Variants in SLA2 observed in about 807,000 individuals in gnomAD.
SLA2 encodes src-like-adapter 2.
A neutral mutation model predicts 27.3 loss-of-function variants in SLA2; 22 were observed. The ratio of observed to expected loss-of-function variants is 0.81; its 90% CI spans 0.58 to 1.15. SLA2 has a LOEUF of 1.15. SLA2 is among the 50% of genes most tolerant of loss of function. The probability of loss-of-function intolerance (pLI) is 0.00; values close to 1 mark genes in which losing one functional copy is unlikely to be tolerated. For missense variants in SLA2, 304 were observed against 322.2 expected, an observed-to-expected ratio of 0.94 and a Z score of 0.43; for synonymous variants, 131 against 137.8, an observed-to-expected ratio of 0.95 and a Z score of 0.34.
chr20:36,626,051 G>A (rs995139873), intron 5 of SLA2, among the ~76,000 whole-genome samples: 1 of 151,884 alleles, frequency 6.6e-6, no homozygotes, highest in Non-Finnish European at 1.5e-5. Context: ...GATCACTTGA[G>A]GTCAGGAGTT....
Position 36,613,921 on chromosome 20 carries a change from G to GA in SLA2, c.730dup (p.Ser244PhefsTer10). 6.2e-7 allele frequency: 1 copy of GA among 1,614,076 alleles called. No homozygotes were observed. The highest frequency in any genetic ancestry group is 8.5e-7 in the Non-Finnish European group (1 of 1,179,994). On this transcript the variant is annotated frameshift_variant, in exon 8 of 8. Coordinates refer to ENST00000262866, the MANE Select transcript of SLA2 (RefSeq NM_032214.4). LOFTEE classifies it high-confidence loss of function. ...ATTCAGGCTGATGTAGAAGCTGAGG[G>GA]ACTCCCGGAGACCCTCACTGAGAAG...
chr20:36,642,670 C>T (rs2039518410), intron 1 of SLA2, among the ~76,000 whole-genome samples: 1 of 151,964 alleles, frequency 6.6e-6, no homozygotes, highest in African/African-American at 2.4e-5. Flanking sequence ...ACTGCAACTT[C>T]CGCCTCCTGG....
intron 5 of SLA2, among the ~76,000 whole-genome samples, chr20:36,627,683 T>A (rs1218189993): frequency 6.6e-6 from 1 of 152,158 alleles, no homozygotes; most frequent in East Asian, 1.9e-4. Flanking sequence ...CTCTGCACAA[T>A]CCTGTGACCT....
Position 36,614,004 on chromosome 20 carries a change from T to C in SLA2, c.666-18A>G, listed in dbSNP as rs1278478141. ...GGAGGGAGCTGTGGACAAAGGAAGA[T>C]AATTGGGTCAAGAAGCCTCTTCCTC... On this transcript the variant is annotated intron_variant, in intron 7 of 7. Transcript: ENST00000262866. The C allele has an allele frequency of 2.5e-6, 4 of 1,612,472 alleles. No individual in the cohort carries two copies. The Admixed American group carries it at 6.7e-5, about 27-fold the overall frequency.
chr20:36,624,485 T>G (rs763215311), intron 5 of SLA2, among the ~76,000 whole-genome samples: 16 of 152,230 alleles, frequency 1.1e-4, no homozygotes, highest in Non-Finnish European at 2.1e-4. Flanking sequence ...CTGTCCACCT[T>G]GCCAACTAGA....
rs988420492 is a variant in SLA2 at position 36,633,289 on chromosome 20, C to A, written c.278+254G>T. ...GTGGACTTTTCAGCATTTTCCACCA[C>A]GAGATCCTGGCAACCTCCAAAGCCC... On this transcript the variant is annotated intron_variant, in intron 4 of 7. Coordinates refer to ENST00000262866, the MANE Select transcript of SLA2 (RefSeq NM_032214.4). Among the ~76,000 whole-genome samples the A allele has an allele frequency of 3.3e-5, 5 of 152,158 alleles. 1 individual carries two copies. In the South Asian group the frequency reaches 1.0e-3, roughly 32 times the overall value.
At chr20:36,641,981 T>C (rs972925254) in intron 1 of SLA2, among the ~76,000 whole-genome samples, 19 of 149,786 alleles carry the variant, frequency 1.3e-4, no homozygotes, top group Non-Finnish European at 2.7e-4. Flanking sequence ...CTGATCAATA[T>C]GGTGAAACCT....
chr20:36,632,535 T>C (rs1308229372), intron 5 of SLA2, 60 bp downstream of exon 5: 2 of 1,330,290 alleles, frequency 1.5e-6, no homozygotes, highest in Admixed American at 3.4e-5. Flanking sequence ...CATATATCTG[T>C]GGGCTCCTTT....
intron 2 of SLA2, among the ~76,000 whole-genome samples, chr20:36,635,669 C>T (rs1007202768): frequency 1.3e-5 from 2 of 152,012 alleles, no homozygotes; most frequent in Non-Finnish European, 2.9e-5. Flanking sequence ...AAGGCCTGGC[C>T]ATTCCACAGT....
Position 36,641,164 on chromosome 20 carries a change from G to A in SLA2, c.91+81C>T, listed in dbSNP as rs548938006. On this transcript the variant is annotated intron_variant, in intron 2 of 7. Transcript: ENST00000262866. ...GCGGTGCTTACACTGTGTTGGAGCT[G>A]CTGGCCAGGAAGGCCCACAGAGGCA... is the stretch of plus-strand genomic sequence containing the variant. The A allele has an allele frequency of 5.9e-6, 7 of 1,195,944 alleles. No individual in the cohort carries two copies. The South Asian group carries it at 6.1e-5, about 10-fold the overall frequency. 74.1% of individuals were successfully genotyped at this position (1,195,944 alleles called of 1,614,324 possible).
intron 5 of SLA2, 48 bp from the exon 6 acceptor site, chr20:36,615,422 C>T (rs563253130): frequency 5.6e-6 from 9 of 1,609,142 alleles, no homozygotes; most frequent in South Asian, 3.3e-5. Context: ...TGCTGGGACT[C>T]GGCCCCACCT....
intron 5 of SLA2, among the ~76,000 whole-genome samples, chr20:36,627,827 G>T (rs1001888212): frequency 2.0e-5 from 3 of 152,150 alleles, no homozygotes; most frequent in Admixed American, 6.6e-5. Context: ...TCCTGCTCCG[G>T]ACTCTGATTA....
rs1297646321 is a variant in SLA2, at chr20:36,612,335, T to C, written c.*1531A>G. On this transcript the variant is annotated 3_prime_UTR_variant, in exon 8 of 8. Transcript: ENST00000262866. Reference sequence around the variant, plus strand: ...AGCTATTATTTGCCAAGTGGAGCTGTCATTTAATTTGATGCACCTCTGGAT... The same window carrying C: ...AGCTATTATTTGCCAAGTGGAGCTGCCATTTAATTTGATGCACCTCTGGAT... 2.1e-6 allele frequency: 2 copies of C among 974,688 alleles called. No homozygotes were observed. Among genetic ancestry groups the C allele is most frequent in the Non-Finnish European group, 3.2e-6 (2 of 620,578 alleles). The allele number at this position is 974,688 out of a possible 1,614,324, so 60.4% of individuals were successfully genotyped here.
intron 2 of SLA2, among the ~76,000 whole-genome samples, 196 bp from the exon 3 acceptor site, chr20:36,634,785 C>CAGAGAGAGAGAG (rs113633781): frequency 6.8e-6 from 1 of 147,078 alleles, no homozygotes; most frequent in African/African-American, 2.5e-5. Flanking sequence ...TGACAGTGCC[C>CAGAGAGAGAGAG]AGAGAGAGAG....
chr20:36,614,359 A>T lies in SLA2; in HGVS notation c.611T>A (p.Ile204Lys), dbSNP rs767223328. Residue 204 changes from isoleucine (I) to lysine (K), a missense_variant, in exon 7 of 8, where the codon ATA (isoleucine) becomes AAA (lysine). Ile to Lys is a moderately radical substitution (Grantham distance 102, BLOSUM62 -3). Transcript: ENST00000262866. Reference protein sequence around the residue: ...QRAGPLPGKDIPLPVTVQRTP... With the variant: ...QRAGPLPGKDKPLPVTVQRTP... ...CCTCTGCACAGTCACAGGTAGGGGT[A>T]TATCCTTGCCAGGGAGCGGGCCAGC... 6.2e-6 allele frequency: 10 copies of T among 1,614,146 alleles called. No individual in the cohort carries two copies. The highest frequency in any genetic ancestry group is 8.5e-6 in the Non-Finnish European group (10 of 1,180,020).
Position 36,640,564 on chromosome 20 carries a change from A to G in SLA2, c.91+681T>C, listed in dbSNP as rs939064968. ...CACTCTGTTGCCCAGGCTGGAGTGC[A>G]GTGGCATAGTGGCATGATCTCGGCT... On this transcript the variant is annotated intron_variant, in intron 2 of 7. Coordinates refer to ENST00000262866, the MANE Select transcript of SLA2 (RefSeq NM_032214.4). 8.2e-5 allele frequency among the ~76,000 whole-genome samples: 12 copies of G among 145,894 alleles called. 1 individual carries two copies. Among genetic ancestry groups the G allele is most frequent in the Admixed American group, 3.6e-4 (5 of 14,060 alleles).
chr20:36,626,888 T>C (rs1475297521), intron 5 of SLA2, among the ~76,000 whole-genome samples: 1 of 150,694 alleles, frequency 6.6e-6, no homozygotes, highest in Non-Finnish European at 1.5e-5. Context: ...AAACCTATTA[T>C]AGCTACAGAA....
intron 2 of SLA2, among the ~76,000 whole-genome samples, chr20:36,640,505 CTT>C (rs1162794643): frequency 2.3e-4 from 31 of 133,200 alleles, no homozygotes; most frequent in Admixed American, 3.8e-4. Context: ...GATGAAAGAC[CTT>C]TTTTTTTTTT....
intron 1 of SLA2, among the ~76,000 whole-genome samples, chr20:36,644,359 C>T (rs997534298): frequency 6.6e-6 from 1 of 152,164 alleles, no homozygotes; most frequent in Non-Finnish European, 1.5e-5. Context: ...AAGCTTCCCC[C>T]GTCTCATCTG....
Sources: gnomAD v4.1 joint callset for allele counts (sites outside exome capture counted in the v4.1 genomes callset) on GRCh38, gnomAD v4.1.1 for gene constraint, MANE v1.5 for transcripts, NCBI Gene and HGNC (gene_info 2026-07-23, HGNC 2026-07-21) for gene names.